PHEX: variants seen among roughly 807,000 people sequenced by gnomAD.
PHEX encodes phosphate regulating endopeptidase X-linked.
In PHEX, 16 loss-of-function variants were observed where a neutral mutation model predicts 68.0. The observed-to-expected ratio is 0.24, with a 90% CI of 0.16 to 0.36. PHEX has a LOEUF of 0.36. Ranked by LOEUF, PHEX falls within the 10% of genes least tolerant of loss-of-function variation. PHEX has a pLI of 1.00. For missense variants in PHEX, 480 were observed against 575.5 expected, an observed-to-expected ratio of 0.83 and a Z score of 1.70; for synonymous variants, 208 against 205.1, an observed-to-expected ratio of 1.01 and a Z score of -0.12.
chrX:22,076,339 G>T, intron 3 of PHEX, 49 bp from the exon 4 acceptor site: 1 of 895,930 alleles, frequency 1.1e-6, no homozygotes, highest in Non-Finnish European at 1.6e-6. Context: ...CTTCCAACTT[G>T]GCACCATATG....
At chrX:22,196,620 C>T (rs768833173) in intron 15 of PHEX, among the ~76,000 whole-genome samples, 2 of 112,505 alleles carry the variant, frequency 1.8e-5, no homozygotes, top group South Asian at 3.7e-4. Context: ...TTTAAGTATT[C>T]ACTATCAATG....
At chrX:22,189,927 T>C (rs1336442472) in intron 14 of PHEX, among the ~76,000 whole-genome samples, 1 of 112,387 alleles carries the variant, frequency 8.9e-6, no homozygotes. Context: ...CAGTACACTT[T>C]CCACTGGAGC....
chrX:22,101,266 T>A, intron 9 of PHEX, among the ~76,000 whole-genome samples: 1 of 112,620 alleles, frequency 8.9e-6, no homozygotes, highest in Middle Eastern at 4.6e-3. Flanking sequence ...GCAACTTGTG[T>A]TCTGCGTATT....
chrX:22,245,398 C>T lies in PHEX; in HGVS notation c.2136C>T (p.Pro712=). 2 of 1,201,518 alleles carry T rather than the reference C, an allele frequency of 1.7e-6. No homozygotes were observed. The highest frequency in any genetic ancestry group is 2.3e-6 in the Non-Finnish European group (2 of 886,533). ...REQVQIGAHS[P]PQFRVNGAIS... The stretch of plus-strand genomic sequence containing the variant: ...AAGTCCAAATTGGTGCTCACAGTCC[C>T]CCTCAGTTTAGGTAAATGGGCAAAT... The change falls in exon 21 of 22, where the codon CCC becomes CCT. Residue 712 remains proline (P), a synonymous_variant. Transcript: ENST00000379374.
intron 12 of PHEX, among the ~76,000 whole-genome samples, chrX:22,156,376 G>T (rs1056716415): frequency 9.1e-6 from 1 of 109,831 alleles, no homozygotes; most frequent in African/African-American, 3.3e-5. Context: ...TTAAAAGGGG[G>T]ATTTACGACA....
chrX:22,162,843 C>G (rs1189539756), intron 12 of PHEX: 1 of 111,547 alleles, frequency 9.0e-6, no homozygotes, highest in African/African-American at 3.3e-5. Flanking sequence ...CCACCATCTT[C>G]AGCATGTAGA....
intron 20 of PHEX, among the ~76,000 whole-genome samples, chrX:22,239,371 G>A (rs2147204511): frequency 9.0e-6 from 1 of 110,960 alleles, no homozygotes; most frequent in African/African-American, 3.3e-5. Context: ...GAACAAAACT[G>A]GACGGAGAAA....
At chrX:22,181,671 G>A (rs1453413130) in intron 14 of PHEX, among the ~76,000 whole-genome samples, 1 of 111,785 alleles carries the variant, frequency 8.9e-6, no homozygotes, top group African/African-American at 3.3e-5. Context: ...GCTTTTGGTA[G>A]TATGGGCGTT....
chrX:22,120,906 C>T (rs1264907823), intron 11 of PHEX, among the ~76,000 whole-genome samples: 1 of 112,217 alleles, frequency 8.9e-6, no homozygotes, highest in Non-Finnish European at 1.9e-5. Flanking sequence ...GTTGCTGTAA[C>T]TCTAGTTTCT....
intron 14 of PHEX, among the ~76,000 whole-genome samples, chrX:22,186,903 G>A (rs1476494228): frequency 8.9e-6 from 1 of 111,783 alleles, no homozygotes; most frequent in Non-Finnish European, 1.9e-5. Flanking sequence ...GGGGAGTTGG[G>A]AAGAACAAAA....
rs761921569 is a variant in PHEX, at chrX:22,216,557, T to G, written c.1701-2479T>G. 3.6e-5 allele frequency among the ~76,000 whole-genome samples: 4 copies of G among 110,193 alleles called. No individual in the cohort carries two copies. The South Asian group carries it at 1.6e-3, about 43-fold the overall frequency. ...TTTATGAGACAGAGTTTTGCTCTTG[T>G]TGCCCAGGCTGGAGTGCAAAGGCAT... On this transcript the variant is annotated intron_variant, in intron 16 of 21. Coordinates refer to ENST00000379374, the MANE Select transcript of PHEX (RefSeq NM_000444.6).
intron 6 of PHEX, 59 bp downstream of exon 6, chrX:22,090,556 T>C (rs1051252517): frequency 3.8e-6 from 3 of 794,814 alleles, no homozygotes; most frequent in Admixed American, 4.5e-5. Context: ...GCCCATTAGT[T>C]CTAAGGCCGC....
chrX:22,096,010 A>C (rs1339505104), intron 7 of PHEX, among the ~76,000 whole-genome samples: 1 of 111,829 alleles, frequency 8.9e-6, no homozygotes, highest in East Asian at 2.8e-4. Context: ...GTGTAATTGG[A>C]AAGGCTTGCT....
intron 15 of PHEX, among the ~76,000 whole-genome samples, chrX:22,212,654 T>C (rs1434481618): frequency 9.0e-6 from 1 of 111,650 alleles, no homozygotes; most frequent in Non-Finnish European, 1.9e-5. Context: ...GGAGCCCAGC[T>C]TACAGCAGGC....
At chrX:22,076,081 T>G (rs1929138612) in intron 3 of PHEX, among the ~76,000 whole-genome samples, 1 of 112,529 alleles carries the variant, frequency 8.9e-6, no homozygotes, top group African/African-American at 3.2e-5. Flanking sequence ...GAATTCTGTT[T>G]CCTTTTGTGT....
chrX:22,146,344 A>G (rs1932693781), intron 12 of PHEX, among the ~76,000 whole-genome samples: 1 of 112,431 alleles, frequency 8.9e-6, no homozygotes, highest in African/African-American at 3.2e-5. Context: ...GCAGTAGCTT[A>G]TATCAATAGA....
At chrX:22,156,130 A>G (rs1017217018) in intron 12 of PHEX, among the ~76,000 whole-genome samples, 3 of 112,074 alleles carry the variant, frequency 2.7e-5, no homozygotes, top group African/African-American at 9.7e-5. Context: ...ATGAGAGCTT[A>G]CAGAAAACAC....
intron 9 of PHEX, among the ~76,000 whole-genome samples, chrX:22,109,722 A>G (rs774887848): frequency 1.5e-4 from 17 of 111,978 alleles, no homozygotes; most frequent in Non-Finnish European, 3.0e-4. Flanking sequence ...CATCATCACT[A>G]TTGAGTTAGA....
chrX:22,081,697 A>C (rs190835084), intron 5 of PHEX, among the ~76,000 whole-genome samples: 32 of 111,551 alleles, frequency 2.9e-4, no homozygotes, highest in African/African-American at 9.8e-4. Context: ...TAATCTACAC[A>C]GCGTACTTCT....
Sources: gnomAD v4.1 joint callset for allele counts (sites outside exome capture counted in the v4.1 genomes callset) on GRCh38, gnomAD v4.1.1 for gene constraint, MANE v1.5 for transcripts, NCBI Gene and HGNC (gene_info 2026-07-23, HGNC 2026-07-21) for gene names.